The following XRCC6 variants were observed in gnomAD, a reference collection of about 807,000 sequenced individuals.
The protein encoded by XRCC6 is DNA repair protein Ku70.
XRCC6 carries 5 observed loss-of-function variants against 65.7 expected under a neutral mutation model. The ratio of observed to expected loss-of-function variants is 0.08; its 90% confidence interval spans 0.04 to 0.16. The LOEUF (loss-of-function observed/expected upper bound fraction) is 0.16. Ranked by LOEUF, XRCC6 falls within the 10% of genes least tolerant of loss-of-function variation. The pLI is 1.00. For missense variants in XRCC6, 447 were observed against 738.1 expected, an observed-to-expected ratio of 0.61 and a Z score of 4.57; for synonymous variants, 270 against 270.6, an observed-to-expected ratio of 1.00 and a Z score of 0.02.
intron 8 of XRCC6, among the ~76,000 whole-genome samples, chr22:41,652,003 C>T (rs1486512339): frequency 6.6e-6 from 1 of 152,060 alleles, no homozygotes; most frequent in Non-Finnish European, 1.5e-5. Flanking sequence ...AGGCTTGTCT[C>T]GAACTCCTGA....
intron 11 of XRCC6, among the ~76,000 whole-genome samples, chr22:41,659,917 C>T (rs1344245504): frequency 1.3e-5 from 2 of 152,054 alleles, no homozygotes; most frequent in African/African-American, 4.8e-5. Flanking sequence ...AACTCCTGAC[C>T]TTAGGTGATC....
At chr22:41,656,215 C>A (rs373243730) in intron 9 of XRCC6, among the ~76,000 whole-genome samples, 77 of 127,152 alleles carry the variant, frequency 6.1e-4, no homozygotes, top group Middle Eastern at 4.2e-3. Flanking sequence ...GATCCTGTCT[C>A]AAAAAAAAAA....
intron 10 of XRCC6, 115 bp downstream of exon 10, chr22:41,657,147 C>A: frequency 7.9e-7 from 1 of 1,264,452 alleles, no homozygotes; most frequent in Non-Finnish European, 1.1e-6. Flanking sequence ...TGACAGATTA[C>A]TACTTGTTAT....
At chr22:41,656,572 A>G (rs987250824) in intron 9 of XRCC6, among the ~76,000 whole-genome samples, 1 of 143,376 alleles carries the variant, frequency 7.0e-6, no homozygotes, top group Non-Finnish European at 1.5e-5. Context: ...AACGTATGAC[A>G]TGGACAAACA....
At chr22:41,638,007 T>C (rs1460615342) in intron 6 of XRCC6, among the ~76,000 whole-genome samples, 1 of 151,758 alleles carries the variant, frequency 6.6e-6, no homozygotes, top group Non-Finnish European at 1.5e-5. Context: ...TGCTACACAT[T>C]GCTTAACAAA....
chr22:41,633,432 C>T (rs950306619), intron 3 of XRCC6, among the ~76,000 whole-genome samples: 1 of 150,222 alleles, frequency 6.7e-6, no homozygotes, highest in African/African-American at 2.5e-5. Flanking sequence ...TCTCGCTTTG[C>T]TGCCCTGGCT....
chr22:41,659,476 G>A (rs1034453730), intron 11 of XRCC6, among the ~76,000 whole-genome samples: 7 of 151,914 alleles, frequency 4.6e-5, no homozygotes, highest in African/African-American at 1.7e-4. Flanking sequence ...AAAGTGCTGG[G>A]ATTACAAGCA....
intron 10 of XRCC6, 62 bp from the exon 11 acceptor site, chr22:41,658,190 T>A (rs1045477625): frequency 6.4e-7 from 1 of 1,566,496 alleles, no homozygotes; most frequent in Admixed American, 1.7e-5. Context: ...GGTGGTTTTA[T>A]TCTAATTTTT....
intron 6 of XRCC6, among the ~76,000 whole-genome samples, 182 bp from the exon 7 acceptor site, chr22:41,646,711 TGTG>T (rs1243696707): frequency 1.3e-5 from 2 of 152,200 alleles, no homozygotes; most frequent in East Asian, 3.8e-4. Context: ...GTTAATATAT[TGTG>T]GTACAGATTC....
At chr22:41,625,755 GA>G (rs1432370594) in intron 2 of XRCC6, among the ~76,000 whole-genome samples, 1 of 152,204 alleles carries the variant, frequency 6.6e-6, no homozygotes, top group East Asian at 1.9e-4. Context: ...CTCAAGCCCA[GA>G]AGTTCAAGGC....
At chr22:41,661,303 G>T in intron 11 of XRCC6, 28 bp from the exon 12 acceptor site, 2 of 1,599,524 alleles carry the variant, frequency 1.3e-6, no homozygotes, top group Non-Finnish European at 1.7e-6. Flanking sequence ...GACTCACCAG[G>T]CCACTCTTCT....
In XRCC6 at chr22:41,653,540, C is replaced by T. The variant is rs757183896; in HGVS notation, c.1141C>T (p.Leu381=). The T allele has an allele frequency of 1.9e-6, 3 of 1,605,662 alleles. No homozygotes were observed. The highest frequency in any genetic ancestry group is 2.2e-5 in the South Asian group (2 of 90,372). ...TTTTTGTTTTCTAGGGAGCTCAACCCTGTTCAGTGCTCTGCTCATCAAGTG... is the reference window on the plus strand; with the variant it reads ...TTTTTGTTTTCTAGGGAGCTCAACCTTGTTCAGTGCTCTGCTCATCAAGTG... ...EESLVIGSST[L]FSALLIKCLE... The change falls in exon 9 of 13, where the codon CTG becomes TTG. Residue 381 remains leucine (L), a synonymous_variant. Coordinates refer to ENST00000360079, the MANE Select transcript of XRCC6 (RefSeq NM_001469.5).
chr22:41,644,934 G>GCAAGC (rs2067916409), intron 6 of XRCC6, among the ~76,000 whole-genome samples: 1 of 152,066 alleles, frequency 6.6e-6, no homozygotes, highest in Non-Finnish European at 1.5e-5. Flanking sequence ...GTGTCCTTGG[G>GCAAGC]CAAGTCATGT....
At chr22:41,621,546 C>T (rs2067604361) in intron 1 of XRCC6, 1 of 167,966 alleles carries the variant, frequency 6.0e-6, no homozygotes, top group African/African-American at 2.4e-5. Context: ...TTGAGGCCCG[C>T]CTGCGTTTGA....
At chr22:41,632,098 G>A (rs1324861089) in intron 3 of XRCC6, among the ~76,000 whole-genome samples, 2 of 151,754 alleles carry the variant, frequency 1.3e-5, no homozygotes, top group Non-Finnish European at 2.9e-5. Context: ...GCTTCGGCTC[G>A]GCATCAGAGG....
rs760110269 is a variant in XRCC6, at chr22:41,621,980, T to C, written c.-15-10T>C. 1 of 1,613,962 alleles carries C rather than the reference T, an allele frequency of 6.2e-7. No individual in the cohort carries two copies. The highest frequency in any genetic ancestry group is 1.1e-5 in the South Asian group (1 of 91,072). ...TTTGCCTGTTACTGACGTTAACGTC[T>C]TTCGCCTAGTGAGCAGTAGCCAACA... On this transcript the variant is annotated splice_polypyrimidine_tract_variant and intron_variant, in intron 1 of 12. Coordinates refer to ENST00000360079, the MANE Select transcript of XRCC6 (RefSeq NM_001469.5).
In XRCC6 at chr22:41,663,897, T is replaced by C; in HGVS notation, c.*82T>C. 1 of 1,469,458 alleles carries C rather than the reference T, an allele frequency of 6.8e-7. No individual in the cohort carries two copies. Among genetic ancestry groups the C allele is most frequent in the Non-Finnish European group, 9.2e-7 (1 of 1,083,498 alleles). The allele number at this position is 1,469,458 out of a possible 1,614,324, so 91.0% of individuals were successfully genotyped here. The stretch of plus-strand genomic sequence containing the variant: ...TCCTCAGCCAGTTAAAATGTGTTTC[T>C]CCTGAGCTAGGAAGAGTCTACCCGA... On this transcript the variant is annotated 3_prime_UTR_variant, in exon 13 of 13. Transcript: ENST00000360079.
At chr22:41,642,019 C>T (rs1338863280) in intron 6 of XRCC6, among the ~76,000 whole-genome samples, 3 of 152,162 alleles carry the variant, frequency 2.0e-5, no homozygotes, top group African/African-American at 7.2e-5. Context: ...GAACTCTGGA[C>T]CTCAGGTGAT....
intron 11 of XRCC6, 84 bp from the exon 12 acceptor site, chr22:41,661,246 TC>T: frequency 8.4e-7 from 1 of 1,187,906 alleles, no homozygotes; most frequent in Non-Finnish European, 1.2e-6. Flanking sequence ...TGCTCTCTCT[TC>T]TGGTTCTCAG....
Sources: gnomAD v4.1 joint callset for allele counts (sites outside exome capture counted in the v4.1 genomes callset) on GRCh38, gnomAD v4.1.1 for gene constraint, MANE v1.5 for transcripts, NCBI Gene and HGNC (gene_info 2026-07-23, HGNC 2026-07-21) for gene names.